Variants in AGBL1 observed in about 807,000 individuals in gnomAD.
The protein encoded by AGBL1 is AGBL carboxypeptidase 1.
A neutral mutation model predicts 118.9 loss-of-function variants in AGBL1; 130 were observed. That is an observed-to-expected ratio of 1.09 (90% confidence interval 0.95 to 1.26). The LOEUF is 1.26. Ranked by LOEUF, AGBL1 falls within the 50% of genes most tolerant of loss-of-function variation. The pLI, the probability that AGBL1 is intolerant of heterozygous loss-of-function variation, is 0.00. For synonymous variants in AGBL1, 555 were observed against 478.9 expected (o/e 1.16, Z -2.08); for missense variants, 1,584 against 1,298.1 (o/e 1.22, Z -3.38).
At position 86,271,719 on chromosome 15, in the gene AGBL1, G is replaced by A. The variant is rs376996237; in HGVS notation, c.2075+13G>A. 1.1e-5 allele frequency: 18 copies of A among 1,599,860 alleles called. No homozygotes were observed. Among genetic ancestry groups the A allele is most frequent in the Middle Eastern group, 1.7e-4 (1 of 6,048 alleles). Reference sequence around the variant, plus strand: ...TATGTTATTACAAGTAAGTTAGAGCGCTGTTAGCTTCCTTTTCTCTGTCCT... The same window carrying A: ...TATGTTATTACAAGTAAGTTAGAGCACTGTTAGCTTCCTTTTCTCTGTCCT... On this transcript the variant is annotated intron_variant, in intron 15 of 22. Transcript: ENST00000614907.
intron 17 of AGBL1, among the ~76,000 whole-genome samples, chr15:86,381,225 A>G (rs1177231060): frequency 3.3e-5 from 5 of 152,168 alleles, no homozygotes; most frequent in Non-Finnish European, 5.9e-5. Context: ...TTTTGCCATC[A>G]TTGTCTGTAA....
intron 17 of AGBL1, among the ~76,000 whole-genome samples, chr15:86,389,940 T>C (rs2081251912): frequency 3.9e-5 from 6 of 152,100 alleles, no homozygotes; most frequent in Admixed American, 3.9e-4. Context: ...TTATATCAAA[T>C]GGAAATTTTG....
At chr15:86,781,926 A>G (rs1317134408) in intron 22 of AGBL1, among the ~76,000 whole-genome samples, 1 of 152,100 alleles carries the variant, frequency 6.6e-6, no homozygotes, top group Non-Finnish European at 1.5e-5. Flanking sequence ...TATTAACAGA[A>G]TCATGGCTTT....
At chr15:86,425,971 C>CAG (rs10676144) in intron 18 of AGBL1, among the ~76,000 whole-genome samples, 102,694 of 151,916 alleles carry the variant, frequency 0.68, 36,963 homozygotes, top group African/African-American at 0.92. Flanking sequence ...AAATAACACA[C>CAG]AGATAATTCA....
chr15:86,634,125 T>C (rs1042912531), intron 21 of AGBL1, among the ~76,000 whole-genome samples: 2 of 152,042 alleles, frequency 1.3e-5, no homozygotes, highest in Non-Finnish European at 2.9e-5. Flanking sequence ...GAATGTAACG[T>C]GGTGAAATCA....
chr15:87,008,613 G>T lies in AGBL1; in HGVS notation c.3324-20212G>T, dbSNP rs2081527079. Among the ~76,000 whole-genome samples the T allele has an allele frequency of 2.6e-5, 4 of 152,206 alleles. 1 individual carries two copies. The South Asian group carries it at 8.3e-4, about 32-fold the overall frequency. On this transcript the variant is annotated intron_variant, in intron 24 of 24. Transcript: ENST00000441037. ...ATTTGGAACTTGGTAACAGGCAGGG[G>T]TTGGAACAGTTTGAAGGGCTCAGAA...
At chr15:86,413,641 T>C in intron 18 of AGBL1, among the ~76,000 whole-genome samples, 1 of 152,170 alleles carries the variant, frequency 6.6e-6, no homozygotes, top group South Asian at 2.1e-4. Flanking sequence ...TGGGTATTTT[T>C]TAGGTGCTTG....
chr15:87,000,460 C>T (rs2081424680), intron 24 of AGBL1, among the ~76,000 whole-genome samples: 1 of 117,024 alleles, frequency 8.5e-6, no homozygotes, highest in Non-Finnish European at 1.8e-5. Flanking sequence ...AGCCAGTTTT[C>T]CCAGCACCAT....
intron 17 of AGBL1, among the ~76,000 whole-genome samples, chr15:86,382,263 A>G (rs546678303): frequency 1.3e-5 from 2 of 152,312 alleles, no homozygotes; most frequent in Non-Finnish European, 2.9e-5. Context: ...AGGTTTTAGG[A>G]TGGCAGAAGT....
intron 5 of AGBL1, among the ~76,000 whole-genome samples, chr15:86,216,428 G>A (rs1185100319): frequency 6.6e-6 from 1 of 152,140 alleles, no homozygotes; most frequent in South Asian, 2.1e-4. Flanking sequence ...GTTTGAGGAA[G>A]TTTCCTTTGA....
chr15:86,981,188 T>G (rs1036309438), intron 23 of AGBL1, among the ~76,000 whole-genome samples: 16 of 152,192 alleles, frequency 1.1e-4, no homozygotes, highest in African/African-American at 3.6e-4. Context: ...AGTATACTTT[T>G]GTTCACATCT....
rs140651996 is a variant in AGBL1, at chr15:86,923,081, G to A, written c.3222-64906G>A. 1.8e-3 allele frequency among the ~76,000 whole-genome samples: 270 copies of A among 152,300 alleles called. 1 individual carries two copies. Among genetic ancestry groups the A allele is most frequent in the Non-Finnish European group, 3.2e-3 (218 of 68,036 alleles). On this transcript the variant is annotated intron_variant, in intron 23 of 24. Transcript: ENST00000441037. ...CGGCCCGAGGGATGGTGGTGGCAGG[G>A]ATGCAATCGCTGAAGCTGGATATCA...
chr15:86,724,235 CAAAAAAAAA>C (rs1204898095), intron 22 of AGBL1, among the ~76,000 whole-genome samples: 1 of 73,860 alleles, frequency 1.4e-5, no homozygotes, highest in Admixed American at 1.9e-4. Flanking sequence ...GACTCCATCT[CAAAAAAAAA>C]AAAAAAAAAA....
Position 86,264,629 on chromosome 15 carries a change from T to G in AGBL1, c.1458T>G (p.Thr486=), listed in dbSNP as rs762904376. The change falls in exon 11 of 23, where the codon ACT becomes ACG. Residue 486 remains threonine (T), a synonymous_variant. Transcript: ENST00000614907. ...PRMSASFSNS[T]RTREVVKVID... ...TGAGTGCCTCCTTTTCTAATTCCAC[T>G]AGGACTAGAGAAGTTGTCAAAGTAA... 24 of 1,613,704 alleles carry G rather than the reference T, an allele frequency of 1.5e-5. No homozygotes were observed. The highest frequency in any genetic ancestry group is 2.0e-5 in the Non-Finnish European group (24 of 1,179,832).
intron 18 of AGBL1, among the ~76,000 whole-genome samples, chr15:86,441,499 C>A (rs1003566073): frequency 1.1e-4 from 17 of 152,122 alleles, no homozygotes; most frequent in Non-Finnish European, 1.5e-5. Flanking sequence ...TGAGAACCAT[C>A]GAAGACGGTG....
intron 7 of AGBL1, 39 bp from the exon 8 acceptor site, chr15:86,256,814 C>T (rs1327655294): frequency 6.2e-7 from 1 of 1,605,366 alleles, no homozygotes; most frequent in Non-Finnish European, 8.5e-7. Flanking sequence ...GGGACTGTGC[C>T]CAGATGTTGG....
chr15:86,925,695 TC>T (rs1463785082), intron 23 of AGBL1, among the ~76,000 whole-genome samples: 2 of 150,390 alleles, frequency 1.3e-5, no homozygotes, highest in Non-Finnish European at 3.0e-5. Flanking sequence ...TTTCTTTTTT[TC>T]TTTTTTCTTT....
In AGBL1 at chr15:86,955,347, C is replaced by T. The variant is rs551645044; in HGVS notation, c.3222-32640C>T. Reference sequence around the variant, plus strand: ...CCTGAAGGTTAAAATGAGTGGGTTGCTAACAAAATAGTACTTGAAGGAAAT... The same window carrying T: ...CCTGAAGGTTAAAATGAGTGGGTTGTTAACAAAATAGTACTTGAAGGAAAT... On this transcript the variant is annotated intron_variant, in intron 23 of 24. Coordinates refer to the AGBL1 transcript ENST00000441037. Among the ~76,000 whole-genome samples the T allele has an allele frequency of 4.1e-4, 63 of 151,942 alleles. 1 individual carries two copies. The South Asian group carries it at 0.012, about 30-fold the overall frequency.
rs550931335 is a variant in AGBL1 at position 86,607,675 on chromosome 15, A to T, written c.2994+53138A>T. On this transcript the variant is annotated intron_variant, in intron 21 of 22. Transcript: ENST00000614907. ...TCCCTAATGACTTACTATGTTGAAC[A>T]TCTTTTTGTAAGCCTTTTTGACATG... 4.6e-5 allele frequency among the ~76,000 whole-genome samples: 7 copies of T among 152,256 alleles called. No homozygotes were observed. In the South Asian group the frequency reaches 1.5e-3, roughly 32 times the overall value.
Sources: allele counts gnomAD v4.1 joint callset (sites outside exome capture counted in the v4.1 genomes callset), GRCh38; gene constraint gnomAD v4.1.1; transcripts MANE v1.5; gene names NCBI Gene and HGNC (gene_info 2026-07-23, HGNC 2026-07-21).